The following BCAS4 variants were observed in gnomAD, a reference collection of about 807,000 sequenced individuals.
BCAS4 encodes the protein breast carcinoma amplified sequence 4, also known as breast carcinoma-amplified sequence 4.
In BCAS4, 9 loss-of-function variants were observed where a neutral mutation model predicts 15.7. The ratio of observed to expected loss-of-function variants is 0.57; its 90% CI spans 0.34 to 1.00. The LOEUF is 1.00. Among genes scored for constraint, BCAS4 ranks in the 50% least tolerant of loss-of-function variants. The pLI is 0.02. For missense variants in BCAS4, 225 were observed against 239.1 expected (o/e 0.94, Z 0.39); for synonymous variants, 101 against 99.5 (o/e 1.02, Z -0.09).
chr20:50,852,372 G>GTA (rs1263904292), intron 4 of BCAS4, among the ~76,000 whole-genome samples: 1 of 151,876 alleles, frequency 6.6e-6, no homozygotes, highest in African/African-American at 2.4e-5. Flanking sequence ...GGCTTTGTGT[G>GTA]TGTGTGTGTG....
chr20:50,830,516 G>T, intron 3 of BCAS4, 136 bp downstream of exon 3: 1 of 659,140 alleles, frequency 1.5e-6, no homozygotes, highest in Non-Finnish European at 2.5e-6. Context: ...GAGTTGGGGA[G>T]TCTGCACTCA....
intron 4 of BCAS4, among the ~76,000 whole-genome samples, chr20:50,863,148 G>T (rs1157746835): frequency 6.6e-6 from 1 of 151,396 alleles, no homozygotes. Context: ...TTTTTTGAAT[G>T]GATAACAGCT....
intron 1 of BCAS4, among the ~76,000 whole-genome samples, chr20:50,805,225 A>G (rs1013958915): frequency 7.9e-5 from 12 of 152,128 alleles, no homozygotes; most frequent in African/African-American, 2.9e-4. Context: ...CCAAAAGGAA[A>G]CACTGCACCC....
intron 1 of BCAS4, among the ~76,000 whole-genome samples, chr20:50,810,705 C>A (rs892872448): frequency 5.3e-5 from 8 of 151,096 alleles, no homozygotes; most frequent in African/African-American, 1.7e-4. Flanking sequence ...GTTTTCCTGG[C>A]GCAGCCTCCC....
chr20:50,799,732 G>A (rs2087905832), intron 1 of BCAS4, among the ~76,000 whole-genome samples: 1 of 152,176 alleles, frequency 6.6e-6, no homozygotes, highest in Admixed American at 6.5e-5. Context: ...GACACATGAG[G>A]CCCTTCCCCT....
intron 1 of BCAS4, among the ~76,000 whole-genome samples, chr20:50,800,769 C>A (rs1225687761): frequency 6.6e-6 from 1 of 152,008 alleles, no homozygotes; most frequent in African/African-American, 2.4e-5. Flanking sequence ...GCCATGTTGG[C>A]CAGGCTGCTC....
chr20:50,821,615 C>T (rs1206838672), intron 2 of BCAS4, among the ~76,000 whole-genome samples: 2 of 152,208 alleles, frequency 1.3e-5, no homozygotes, highest in Non-Finnish European at 2.9e-5. Flanking sequence ...CACCACGGAC[C>T]ACTGTCCCCC....
chr20:50,868,568 G>A (rs1979474140), intron 4 of BCAS4, among the ~76,000 whole-genome samples: 1 of 152,162 alleles, frequency 6.6e-6, no homozygotes, highest in Non-Finnish European at 1.5e-5. Flanking sequence ...GACTACAGGT[G>A]TGTGCCACCA....
At chr20:50,832,485 C>T (rs190823994) in intron 3 of BCAS4, among the ~76,000 whole-genome samples, 3 of 152,148 alleles carry the variant, frequency 2.0e-5, no homozygotes, top group Non-Finnish European at 2.9e-5. Flanking sequence ...CTCGAACTCC[C>T]GACCTCAAGA....
chr20:50,864,438 G>GTTTTTTTTTTTTTTT (rs1568684273), intron 4 of BCAS4, among the ~76,000 whole-genome samples: 1 of 138,512 alleles, frequency 7.2e-6, no homozygotes, highest in Non-Finnish European at 1.5e-5. Context: ...GATCATGATT[G>GTTTTTTTTTTTTTTT]ATTTTTTTTT....
chr20:50,844,377 T>C (rs1385787210), intron 4 of BCAS4, among the ~76,000 whole-genome samples: 1 of 152,054 alleles, frequency 6.6e-6, no homozygotes, highest in Non-Finnish European at 1.5e-5. Context: ...GAGACTGCAA[T>C]GAACCATGAT....
intron 2 of BCAS4, among the ~76,000 whole-genome samples, chr20:50,823,893 T>G (rs2088246406): frequency 6.6e-6 from 1 of 152,120 alleles, no homozygotes; most frequent in Non-Finnish European, 1.5e-5. Context: ...ATGTGCGGAT[T>G]CATCAAGCTG....
chr20:50,868,969 GC>G (rs1299116167), intron 4 of BCAS4, among the ~76,000 whole-genome samples: 6 of 152,202 alleles, frequency 3.9e-5, no homozygotes, highest in African/African-American at 7.2e-5. Context: ...GCTTCTCCTG[GC>G]TGCTATTCTG....
intron 4 of BCAS4, among the ~76,000 whole-genome samples, chr20:50,865,692 C>T (rs1268864370): frequency 5.6e-4 from 86 of 152,316 alleles, no homozygotes; most frequent in Non-Finnish European, 2.9e-5. Context: ...CCTCCCATGT[C>T]CACCAGCTGC....
chr20:50,842,087 C>T (rs2088491053), intron 4 of BCAS4, among the ~76,000 whole-genome samples, 187 bp downstream of exon 4: 1 of 152,202 alleles, frequency 6.6e-6, no homozygotes, highest in African/African-American at 2.4e-5. Context: ...TGGGCTGTGA[C>T]GGTTCGTGTG....
chr20:50,857,609 G>T (rs1355852625), intron 4 of BCAS4, among the ~76,000 whole-genome samples: 3 of 152,224 alleles, frequency 2.0e-5, no homozygotes, highest in African/African-American at 4.8e-5. Context: ...AAATGGGACA[G>T]TTTACTGCGC....
At chr20:50,841,390 C>T (rs2088479549) in intron 3 of BCAS4, among the ~76,000 whole-genome samples, 1 of 151,540 alleles carries the variant, frequency 6.6e-6, no homozygotes, top group South Asian at 2.1e-4. Flanking sequence ...CAACTTTTAA[C>T]AAAAAAGGCT....
intron 1 of BCAS4, among the ~76,000 whole-genome samples, chr20:50,803,276 G>A (rs188298241): frequency 1.3e-5 from 2 of 152,372 alleles, no homozygotes; most frequent in South Asian, 2.1e-4. Flanking sequence ...GAGCAGTAGC[G>A]GCTGCAGCGG....
intron 1 of BCAS4, among the ~76,000 whole-genome samples, chr20:50,799,322 TC>T (rs2087901002): frequency 6.6e-6 from 1 of 152,194 alleles, no homozygotes. Flanking sequence ...GAGCCCCAAC[TC>T]CCTGTAGCTC....
Sources: gnomAD v4.1 joint callset for allele counts (sites outside exome capture counted in the v4.1 genomes callset) on GRCh38, gnomAD v4.1.1 for gene constraint, MANE v1.5 for transcripts, NCBI Gene and HGNC (gene_info 2026-07-23, HGNC 2026-07-21) for gene names.